Variants in APBA2 observed in about 807,000 individuals in gnomAD.
APBA2 encodes amyloid-beta A4 precursor protein-binding family A member 2.
In APBA2, 30 loss-of-function variants were observed where a neutral mutation model predicts 75.0. The ratio of observed to expected loss-of-function variants is 0.40; its 90% CI spans 0.30 to 0.54. APBA2 has a LOEUF of 0.54. Among genes scored for constraint, APBA2 ranks in the 20% least tolerant of loss-of-function variants. APBA2 has a pLI of 0.49. For synonymous variants in APBA2, 444 were observed against 409.6 expected (o/e 1.08, Z -1.01); for missense variants, 801 against 1,016.1 (o/e 0.79, Z 2.88).
intron 13 of APBA2, among the ~76,000 whole-genome samples, chr15:29,111,521 C>T (rs374970498): frequency 2.6e-5 from 4 of 152,256 alleles, no homozygotes; most frequent in South Asian, 4.1e-4. Context: ...CCCCAGTGAT[C>T]CAGAAAATGG....
intron 4 of APBA2, among the ~76,000 whole-genome samples, chr15:29,071,386 C>T (rs2042616175): frequency 6.6e-6 from 1 of 151,858 alleles, no homozygotes; most frequent in Admixed American, 6.6e-5. Context: ...TCCGGGGACA[C>T]ACGCTGATTC....
chr15:29,114,105 CAG>C lies in APBA2; in HGVS notation c.2178+90_2178+91del, dbSNP rs2044905371. ...TGAGCCTCCCCCGCTCCAGAGGACA[CAG>C]GGCATCTGAAGGTCAGCCAGGCTGT... On this transcript the variant is annotated intron_variant, in intron 14 of 14. Transcript: ENST00000683413. 3.8e-6 allele frequency: 6 copies of C among 1,575,884 alleles called. 1 individual carries two copies. In the South Asian group the frequency reaches 5.6e-5, roughly 15 times the overall value.
chr15:29,105,680 G>T, intron 11 of APBA2, 122 bp downstream of exon 11: 1 of 1,076,108 alleles, frequency 9.3e-7, no homozygotes, highest in Non-Finnish European at 1.4e-6. Flanking sequence ...AGACTCCAGT[G>T]GGGCCCGGAA....
intron 2 of APBA2, among the ~76,000 whole-genome samples, chr15:28,931,551 G>A (rs564141749): frequency 1.3e-4 from 20 of 152,170 alleles, no homozygotes; most frequent in Non-Finnish European, 2.6e-4. Flanking sequence ...CTTTTAGCAA[G>A]GCAGCGCTGC....
chr15:28,992,841 A>T (rs1399181474), intron 2 of APBA2, among the ~76,000 whole-genome samples: 1 of 152,236 alleles, frequency 6.6e-6, no homozygotes, highest in East Asian at 1.9e-4. Flanking sequence ...GTGAATGGCT[A>T]CACTTGGAGA....
chr15:28,976,258 C>A (rs1255979362), intron 2 of APBA2, among the ~76,000 whole-genome samples: 1 of 152,216 alleles, frequency 6.6e-6, no homozygotes, highest in East Asian at 1.9e-4. Context: ...TCTCTATGGA[C>A]AGTATGTCTC....
At chr15:28,896,522 G>A (rs1366644785) in intron 1 of APBA2, among the ~76,000 whole-genome samples, 3 of 152,142 alleles carry the variant, frequency 2.0e-5, no homozygotes, top group South Asian at 2.1e-4. Context: ...CTCATGATTC[G>A]CCCACATCGG....
At chr15:29,015,316 G>A (rs1035553880) in intron 3 of APBA2, among the ~76,000 whole-genome samples, 4 of 152,102 alleles carry the variant, frequency 2.6e-5, no homozygotes, top group Non-Finnish European at 5.9e-5. Context: ...GAGTGCCTGG[G>A]GTCCTTCATT....
At chr15:28,972,105 T>G (rs2037099933) in intron 2 of APBA2, among the ~76,000 whole-genome samples, 1 of 152,042 alleles carries the variant, frequency 6.6e-6, no homozygotes, top group Non-Finnish European at 1.5e-5. Flanking sequence ...TAAGATAATC[T>G]CTGAAATTAA....
chr15:29,009,425 TATAAAC>T (rs1446662987), intron 3 of APBA2, among the ~76,000 whole-genome samples: 1 of 152,146 alleles, frequency 6.6e-6, no homozygotes, highest in African/African-American at 2.4e-5. Context: ...TCAAGTGTAA[TATAAAC>T]AGAAAAGTAC....
At chr15:29,104,699 C>A (rs909779896) in intron 10 of APBA2, among the ~76,000 whole-genome samples, 1 of 152,192 alleles carries the variant, frequency 6.6e-6, no homozygotes, top group Non-Finnish European at 1.5e-5. Flanking sequence ...CTGTTGCTAC[C>A]GATAAATACA....
chr15:28,934,626 T>C (rs1307132371), intron 2 of APBA2, among the ~76,000 whole-genome samples: 2 of 152,088 alleles, frequency 1.3e-5, no homozygotes, highest in Non-Finnish European at 2.9e-5. Context: ...GGTGCTTTGG[T>C]TGCTGGATTT....
At chr15:29,099,532 A>G (rs954104201) in intron 9 of APBA2, among the ~76,000 whole-genome samples, 1 of 152,194 alleles carries the variant, frequency 6.6e-6, no homozygotes, top group Non-Finnish European at 1.5e-5. Flanking sequence ...AGCTACCAAA[A>G]TTCCAGACTC....
At chr15:29,109,382 A>G (rs547493749) in intron 13 of APBA2, among the ~76,000 whole-genome samples, 1 of 151,804 alleles carries the variant, frequency 6.6e-6, no homozygotes, top group Non-Finnish European at 1.5e-5. Flanking sequence ...GAGTCTGCAA[A>G]TCTCCATATA....
chr15:29,075,134 A>G lies in APBA2; in HGVS notation c.1032+133A>G, dbSNP rs1047633929. ...CCGGTGCCTGGGGGAGAGGGAGTCC[A>G]GGTCAGGCCAAGTTGGTGTCACCAT... On this transcript the variant is annotated intron_variant, in intron 5 of 14. Coordinates refer to ENST00000683413, the MANE Select transcript of APBA2 (RefSeq NM_001353788.2). 5.3e-6 allele frequency: 4 copies of G among 761,688 alleles called. No individual in the cohort carries two copies. In the East Asian group the frequency reaches 1.1e-4, roughly 20 times the overall value. 47.2% of individuals were successfully genotyped at this position (761,688 alleles called of 1,614,324 possible).
chr15:29,007,894 G>T (rs773057331), intron 3 of APBA2, among the ~76,000 whole-genome samples: 8 of 152,228 alleles, frequency 5.3e-5, no homozygotes, highest in African/African-American at 1.7e-4. Context: ...CCCAAGGGAA[G>T]TAAAAGCAGG....
chr15:28,909,064 G>C (rs568213478), intron 1 of APBA2, among the ~76,000 whole-genome samples: 2 of 148,806 alleles, frequency 1.3e-5, no homozygotes, highest in African/African-American at 5.0e-5. Context: ...TCGGCTCACA[G>C]CAAGCTCCGC....
chr15:29,081,540 G>C (rs1428317984), intron 6 of APBA2, among the ~76,000 whole-genome samples: 1 of 152,192 alleles, frequency 6.6e-6, no homozygotes, highest in Non-Finnish European at 1.5e-5. Flanking sequence ...AGTACCTCTT[G>C]TTCTGCCTAT....
At chr15:29,021,492 C>T (rs765809199) in intron 3 of APBA2, among the ~76,000 whole-genome samples, 1 of 152,172 alleles carries the variant, frequency 6.6e-6, no homozygotes, top group African/African-American at 2.4e-5. Flanking sequence ...CATGCCACTG[C>T]ACTCCAAAAA....
Sources: gnomAD v4.1 joint callset for allele counts (sites outside exome capture counted in the v4.1 genomes callset) on GRCh38, gnomAD v4.1.1 for gene constraint, MANE v1.5 for transcripts, NCBI Gene and HGNC (gene_info 2026-07-23, HGNC 2026-07-21) for gene names.